The following STK3 variants were observed in gnomAD, a reference collection of about 807,000 sequenced individuals.
The protein encoded by STK3 is serine/threonine-protein kinase 3.
In STK3, 41 loss-of-function variants were observed where a neutral mutation model predicts 58.0. The observed-to-expected ratio is 0.71, with a 90% CI of 0.55 to 0.92. The LOEUF (loss-of-function observed/expected upper bound fraction) is 0.92. Ranked by LOEUF, STK3 falls within the 40% of genes least tolerant of loss-of-function variation. STK3 has a pLI of 0.00. For synonymous variants in STK3, 170 were observed against 191.0 expected (o/e 0.89, Z 0.91); for missense variants, 479 against 602.7 (o/e 0.79, Z 2.15).
intron 6 of STK3, among the ~76,000 whole-genome samples, chr8:98,685,250 T>G (rs576440675): frequency 6.6e-6 from 1 of 152,292 alleles, no homozygotes; most frequent in African/African-American, 2.4e-5. Flanking sequence ...AAAACTATAA[T>G]TCATATTTAT....
At chr8:98,508,914 G>C (rs533423236) in intron 10 of STK3, among the ~76,000 whole-genome samples, 1 of 151,946 alleles carries the variant, frequency 6.6e-6, no homozygotes, top group East Asian at 1.9e-4. Flanking sequence ...GAAAGGTCAA[G>C]GTAAGAACTA....
intron 4 of STK3, among the ~76,000 whole-genome samples, chr8:98,730,151 A>G (rs536001490): frequency 6.6e-6 from 1 of 152,340 alleles, no homozygotes; most frequent in African/African-American, 2.4e-5. Flanking sequence ...TAACAGTGAG[A>G]ATTTACCAAG....
chr8:98,545,899 A>C (rs2131576313), intron 9 of STK3, among the ~76,000 whole-genome samples: 1 of 152,318 alleles, frequency 6.6e-6, no homozygotes, highest in Admixed American at 6.5e-5. Flanking sequence ...ATATGGTTTC[A>C]GAAAAAGTAA....
intron 10 of STK3, among the ~76,000 whole-genome samples, chr8:98,486,374 A>T (rs1822256724): frequency 6.6e-6 from 1 of 152,202 alleles, no homozygotes; most frequent in African/African-American, 2.4e-5. Flanking sequence ...ATCTGATGTA[A>T]CTGGACCTAT....
intron 1 of STK3, among the ~76,000 whole-genome samples, chr8:98,805,762 T>C (rs1241346398): frequency 6.6e-6 from 1 of 152,144 alleles, no homozygotes; most frequent in Non-Finnish European, 1.5e-5. Flanking sequence ...GAGAAGGGAC[T>C]AGCAGCTATC....
At chr8:98,613,125 G>A (rs889028966) in intron 6 of STK3, among the ~76,000 whole-genome samples, 2 of 152,220 alleles carry the variant, frequency 1.3e-5, no homozygotes, top group African/African-American at 4.8e-5. Context: ...ATAATGAGGA[G>A]CCACTCCTGC....
At chr8:98,692,145 G>A (rs1005010840) in intron 6 of STK3, among the ~76,000 whole-genome samples, 1 of 152,104 alleles carries the variant, frequency 6.6e-6, no homozygotes, top group South Asian at 2.1e-4. Flanking sequence ...TAGCAGGAAC[G>A]TGAAGAAACT....
At chr8:98,412,859 T>C (rs1818071603) in intron 3 of STK3, 1 of 238,876 alleles carries the variant, frequency 4.2e-6, no homozygotes, top group Non-Finnish European at 8.1e-6. Flanking sequence ...CATATGCATA[T>C]GTAATTCTTA....
intron 10 of STK3, chr8:98,463,004 T>G (rs1332537694): frequency 6.6e-6 from 1 of 152,216 alleles, no homozygotes. Context: ...ATGCTAATCT[T>G]CACTGTATCA....
intron 10 of STK3, among the ~76,000 whole-genome samples, chr8:98,510,066 C>T (rs1824383112): frequency 6.6e-6 from 1 of 151,910 alleles, no homozygotes; most frequent in Admixed American, 6.6e-5. Flanking sequence ...TTAAATGATC[C>T]TATCAATATT....
intron 10 of STK3, among the ~76,000 whole-genome samples, chr8:98,498,995 G>A (rs2131352794): frequency 6.6e-6 from 1 of 152,302 alleles, no homozygotes; most frequent in East Asian, 1.9e-4. Context: ...TAAGAATGGG[G>A]AGATAATTCT....
intron 6 of STK3, among the ~76,000 whole-genome samples, chr8:98,630,123 G>A (rs78030347): frequency 0.044 from 6,731 of 152,070 alleles, 160 homozygotes; most frequent in East Asian, 0.063. Context: ...AACAACCCTG[G>A]TGCTTCCCTA....
intron 1 of STK3, among the ~76,000 whole-genome samples, chr8:98,824,333 C>A (rs562467004): frequency 5.9e-5 from 9 of 152,206 alleles, no homozygotes; most frequent in African/African-American, 2.2e-4. Context: ...TTCTCTTACA[C>A]CTATAATGAA....
At chr8:98,427,044 T>C (rs28709500) in intron 3 of STK3, 137,256 of 150,276 alleles carry the variant, frequency 0.91, 62,891 homozygotes, top group Admixed American at 0.95. Context: ...GCGGCGCGGG[T>C]TCCTGCCTCT....
intron 6 of STK3, among the ~76,000 whole-genome samples, chr8:98,654,408 C>G (rs1439529909): frequency 6.6e-6 from 1 of 152,090 alleles, no homozygotes; most frequent in African/African-American, 2.4e-5. Context: ...GAAGCATTCC[C>G]TTTGAAAACT....
the STK3 span, among the ~76,000 whole-genome samples, chr8:98,344,700 C>G: frequency 1.1e-4 from 16 of 151,380 alleles, no homozygotes; most frequent in Admixed American, 1.1e-3. Context: ...GAGACCATCC[C>G]GGCTAAAACG....
chr8:98,556,803 A>G (rs1811624058), intron 8 of STK3, among the ~76,000 whole-genome samples: 1 of 152,128 alleles, frequency 6.6e-6, no homozygotes, highest in South Asian at 2.1e-4. Flanking sequence ...AGGGTCATAT[A>G]GTAACAGAAA....
chr8:98,830,543 G>A (rs1308209309), upstream of STK3, among the ~76,000 whole-genome samples: 1 of 152,200 alleles, frequency 6.6e-6, no homozygotes, highest in Non-Finnish European at 1.5e-5. Context: ...AAACCAACCT[G>A]AAGATTCCAG....
the STK3 span, among the ~76,000 whole-genome samples, chr8:98,364,642 G>C: frequency 1.3e-5 from 2 of 152,204 alleles, no homozygotes; most frequent in African/African-American, 4.8e-5. Context: ...TTAGCTCTTA[G>C]GCTGCTGCTT....
Sources: allele counts gnomAD v4.1 joint callset (sites outside exome capture counted in the v4.1 genomes callset), GRCh38; gene constraint gnomAD v4.1.1; transcripts MANE v1.5; gene names NCBI Gene and HGNC (gene_info 2026-07-23, HGNC 2026-07-21).